FAM228B: variants seen among roughly 807,000 people sequenced by gnomAD.
The protein encoded by FAM228B is protein FAM228B.
FAM228B carries 38 observed loss-of-function variants against 42.6 expected under a neutral mutation model. The observed-to-expected ratio is 0.89, with a 90% CI of 0.69 to 1.17. The LOEUF (loss-of-function observed/expected upper bound fraction) is 1.17, where lower values mean the gene tolerates loss of function less well. Among genes scored for constraint, FAM228B ranks in the 50% most tolerant of loss-of-function variants. The probability of loss-of-function intolerance (pLI) is 0.00; values close to 1 mark genes in which losing one functional copy is unlikely to be tolerated. For missense variants in FAM228B, 344 were observed against 367.3 expected (o/e 0.94, Z 0.52); for synonymous variants, 109 against 122.3 (o/e 0.89, Z 0.72).
Position 24,164,353 on chromosome 2 carries a change from C to G in FAM228B, c.932+18C>G, listed in dbSNP as rs1301992944. 1.3e-6 allele frequency: 2 copies of G among 1,542,768 alleles called. No homozygotes were observed. The highest frequency in any genetic ancestry group is 1.7e-6 in the Non-Finnish European group (2 of 1,143,088). On this transcript the variant is annotated intron_variant, in intron 9 of 10. Coordinates refer to ENST00000615575, the MANE Select transcript of FAM228B (RefSeq NM_001145710.2). ...CAGGATGGGTAAGAGCTGGGGCTGT[C>G]CCATTTCATCATACATAAGGTGGCA...
chr2:24,169,463 C>A lies in FAM228B; in HGVS notation c.*122C>A. The A allele has an allele frequency of 2.5e-6, 1 of 394,046 alleles. No homozygotes were observed. The highest frequency in any genetic ancestry group is 1.8e-5 in the South Asian group (1 of 55,686). The allele number at this position is 394,046 out of a possible 1,614,324, so 24.4% of individuals were successfully genotyped here. A position where few individuals can be genotyped will look rare whatever the true frequency, so the allele number is the denominator to read the frequency against. ...CTGCTCACAGGAATCAGGGTGAAGG[C>A]CAAGGACGGCACTCAAGAATTGTCC... On this transcript the variant is annotated 3_prime_UTR_variant, in exon 11 of 11. Transcript: ENST00000615575. The surrounding 1 kb of genome is among the most constrained non-coding windows in gnomAD (Gnocchi z 4.2).
At chr2:24,135,416 C>T (rs1184980827) in intron 3 of FAM228B, among the ~76,000 whole-genome samples, 1 of 152,146 alleles carries the variant, frequency 6.6e-6, no homozygotes, top group Non-Finnish European at 1.5e-5. Flanking sequence ...AGAAATTTTC[C>T]TCTACTCACT....
At chr2:24,159,617 C>T in intron 7 of FAM228B, among the ~76,000 whole-genome samples, 1 of 152,304 alleles carries the variant, frequency 6.6e-6, no homozygotes, top group Non-Finnish European at 1.5e-5. Context: ...CGGTACAGTT[C>T]TGTAGCAGAT....
chr2:24,111,320 G>A (rs758665525), intron 3 of FAM228B, among the ~76,000 whole-genome samples: 1 of 152,114 alleles, frequency 6.6e-6, no homozygotes, highest in South Asian at 2.1e-4. Context: ...TTAGCCTCCC[G>A]AGTGCTGGGA....
intron 3 of FAM228B, among the ~76,000 whole-genome samples, chr2:24,112,938 T>C (rs1381474829): frequency 6.6e-6 from 1 of 152,200 alleles, no homozygotes; most frequent in Non-Finnish European, 1.5e-5. Flanking sequence ...CTCTCTTCCA[T>C]ACTCACTCTT....
At chr2:24,136,320 G>A (rs1299559748) in intron 3 of FAM228B, among the ~76,000 whole-genome samples, 9 of 151,844 alleles carry the variant, frequency 5.9e-5, no homozygotes, top group Non-Finnish European at 1.2e-4. Context: ...TCCACCTCCC[G>A]GGTTCAAGCA....
At chr2:24,091,664 G>C (rs1665394369) in intron 2 of FAM228B, among the ~76,000 whole-genome samples, 2 of 152,034 alleles carry the variant, frequency 1.3e-5, no homozygotes, top group African/African-American at 4.8e-5. Flanking sequence ...AGTTGTAAAA[G>C]CATAAGGAAT....
At chr2:24,131,757 G>T (rs1041261308) in intron 2 of FAM228B, among the ~76,000 whole-genome samples, 3 of 152,100 alleles carry the variant, frequency 2.0e-5, no homozygotes, top group Non-Finnish European at 2.9e-5. Flanking sequence ...TCTAAATATA[G>T]AATCATGTCA....
Position 24,077,481 on chromosome 2 carries a change from G to A in FAM228B, c.-290+512G>A. ...CATATCAGCTTTAAACGGCTCTGGA[G>A]GAAGCACCGGGTTTCTTGGCCTGTC... On this transcript the variant is annotated intron_variant, in intron 1 of 10. Coordinates refer to the FAM228B transcript ENST00000613899. This position sits in a 1 kb window ranked among gnomAD's most constrained non-coding sequence, Gnocchi z 5.5. 7.3e-7 allele frequency: 1 copy of A among 1,378,446 alleles called. No homozygotes were observed. Among genetic ancestry groups the A allele is most frequent in the Non-Finnish European group, 9.7e-7 (1 of 1,031,462 alleles). The allele number at this position is 1,378,446 out of a possible 1,614,324, so 85.4% of individuals were successfully genotyped here. A position where few individuals can be genotyped will look rare whatever the true frequency, so the allele number is the denominator to read the frequency against.
chr2:24,149,538 T>C (rs546551507), intron 7 of FAM228B, among the ~76,000 whole-genome samples: 10 of 152,122 alleles, frequency 6.6e-5, no homozygotes, highest in Non-Finnish European at 1.0e-4. Flanking sequence ...GTTCAAGCAA[T>C]TCTCCTGTCT....
At chr2:24,112,263 G>GA (rs1665809638) in intron 3 of FAM228B, among the ~76,000 whole-genome samples, 1 of 146,462 alleles carries the variant, frequency 6.8e-6, no homozygotes, top group African/African-American at 2.5e-5. Context: ...GAGACCTGAA[G>GA]AAAATCTCAA....
chr2:24,143,398 G>A (rs563198143), intron 5 of FAM228B, among the ~76,000 whole-genome samples: 3 of 152,226 alleles, frequency 2.0e-5, no homozygotes, highest in Admixed American at 2.0e-4. Context: ...GTTTCATCGT[G>A]TTAGCCAGGA....
chr2:24,079,145 C>T (rs1471906384), intron 1 of FAM228B: 2 of 286,704 alleles, frequency 7.0e-6, no homozygotes, highest in East Asian at 1.3e-4. Flanking sequence ...CCTTTGAAAA[C>T]AAAGTCTTGG....
At chr2:24,143,339 C>G (rs888454805) in intron 5 of FAM228B, among the ~76,000 whole-genome samples, 2 of 152,080 alleles carry the variant, frequency 1.3e-5, no homozygotes, top group Non-Finnish European at 2.9e-5. Context: ...CGCCACCACG[C>G]CCGGCTAATT....
At chr2:24,139,551 G>A (rs1215989522) in intron 5 of FAM228B, 101 bp downstream of exon 5, 1 of 563,182 alleles carries the variant, frequency 1.8e-6, no homozygotes, top group Non-Finnish European at 3.1e-6. Flanking sequence ...TAAAAGTGCA[G>A]TAACATTTTA....
chr2:24,163,439 G>A (rs1256271211), intron 8 of FAM228B, among the ~76,000 whole-genome samples: 1 of 152,154 alleles, frequency 6.6e-6, no homozygotes, highest in Non-Finnish European at 1.5e-5. Context: ...TCTTGAATAG[G>A]AGCCACAAGT....
chr2:24,108,242 C>G (rs528975063), intron 3 of FAM228B, among the ~76,000 whole-genome samples: 2 of 152,226 alleles, frequency 1.3e-5, no homozygotes, highest in East Asian at 3.9e-4. Context: ...AATCCCTGAA[C>G]AGACCAATAA....
At chr2:24,156,439 C>T (rs1667146673) in intron 7 of FAM228B, among the ~76,000 whole-genome samples, 2 of 152,144 alleles carry the variant, frequency 1.3e-5, no homozygotes, top group South Asian at 4.2e-4. Context: ...TTGAGACCAA[C>T]CTGGCCAACA....
chr2:24,091,216 G>A (rs1001959959), intron 2 of FAM228B, among the ~76,000 whole-genome samples: 2 of 152,206 alleles, frequency 1.3e-5, no homozygotes, highest in East Asian at 1.9e-4. Context: ...GGCGGATGAC[G>A]AGGTCAGGAG....
Sources: allele counts gnomAD v4.1 joint callset (sites outside exome capture counted in the v4.1 genomes callset), GRCh38; gene constraint gnomAD v4.1.1; non-coding constraint Gnocchi (gnomAD v3.1); transcripts MANE v1.5; gene names NCBI Gene and HGNC (gene_info 2026-07-23, HGNC 2026-07-21).